Variants in CALN1 observed in about 807,000 individuals in gnomAD.
CALN1 encodes calneuron 1.
Under a neutral mutation model 30.6 loss-of-function variants are expected in CALN1, and 17 were observed. The ratio of observed to expected loss-of-function variants is 0.56; its 90% CI spans 0.38 to 0.83. CALN1 has a LOEUF of 0.83. Among genes scored for constraint, CALN1 ranks in the 40% least tolerant of loss-of-function variants. CALN1 has a pLI of 0.00. For synonymous variants in CALN1, 156 were observed against 131.4 expected, an observed-to-expected ratio of 1.19 and a Z score of -1.28; for missense variants, 291 against 354.9, an observed-to-expected ratio of 0.82 and a Z score of 1.45.
chr7:72,372,894 G>C (rs11984026), intron 2 of CALN1, among the ~76,000 whole-genome samples: 5,183 of 152,218 alleles, frequency 0.034, 278 homozygotes, highest in African/African-American at 0.11. Flanking sequence ...AAATATGTTT[G>C]GGTGAAGGTA....
chr7:72,271,686 T>G (rs1433821200), intron 3 of CALN1, among the ~76,000 whole-genome samples: 2 of 148,824 alleles, frequency 1.3e-5, no homozygotes, highest in Non-Finnish European at 3.0e-5. Flanking sequence ...GGTAACGACA[T>G]GGGTACCAAG....
At chr7:72,148,226 C>A in intron 3 of CALN1, among the ~76,000 whole-genome samples, 1 of 149,754 alleles carries the variant, frequency 6.7e-6, no homozygotes. Flanking sequence ...GATTGGTGCC[C>A]ATCCCACAGT....
chr7:72,110,233 C>T (rs561184338), intron 3 of CALN1, among the ~76,000 whole-genome samples: 3 of 152,236 alleles, frequency 2.0e-5, no homozygotes, highest in East Asian at 1.9e-4. Context: ...GACACCCCAG[C>T]GGGCCCTAGC....
intron 2 of CALN1, among the ~76,000 whole-genome samples, chr7:72,331,442 G>C (rs761707029): frequency 3.3e-5 from 5 of 152,136 alleles, no homozygotes; most frequent in Non-Finnish European, 7.4e-5. Context: ...CCTAGATACA[G>C]GGACCCAAAA....
chr7:72,254,395 T>C (rs1221050543), intron 3 of CALN1, among the ~76,000 whole-genome samples: 4 of 152,154 alleles, frequency 2.6e-5, no homozygotes, highest in Non-Finnish European at 5.9e-5. Context: ...TGGTAATTTG[T>C]TAAGGCCATG....
chr7:71,999,675 CCT>C (rs1205023991), intron 5 of CALN1, among the ~76,000 whole-genome samples: 4 of 152,040 alleles, frequency 2.6e-5, no homozygotes, highest in African/African-American at 7.2e-5. Flanking sequence ...ACCACCACAC[CCT>C]GCTAATTTTT....
At chr7:71,941,439 C>T (rs185513353) in intron 5 of CALN1, among the ~76,000 whole-genome samples, 1 of 151,880 alleles carries the variant, frequency 6.6e-6, no homozygotes, top group African/African-American at 2.4e-5. Context: ...ATATTTGAAG[C>T]CTCTAAAATT....
intron 2 of CALN1, among the ~76,000 whole-genome samples, chr7:72,292,258 T>C (rs547324206): frequency 7.6e-4 from 116 of 151,948 alleles, no homozygotes; most frequent in African/African-American, 2.5e-3. Context: ...GGTGCCAGCT[T>C]GATCAAATTC....
At position 72,249,423 on chromosome 7, in the gene CALN1, CAT is replaced by C. The variant is rs56920512; in HGVS notation, c.244+29261_244+29262del. On this transcript the variant is annotated intron_variant, in intron 3 of 6. Coordinates refer to ENST00000395275, the MANE Select transcript of CALN1 (RefSeq NM_031468.4). Reference sequence around the variant, plus strand: ...AAGTCAAGAAACTTGCCCAAGATCACATGTTTAATGGCTGGTGGAGGCAGGAC... The same window carrying C: ...AAGTCAAGAAACTTGCCCAAGATCACGTTTAATGGCTGGTGGAGGCAGGAC... Among the ~76,000 whole-genome samples the C allele has an allele frequency of 7.5e-3, 1,144 of 152,302 alleles. 9 individuals are homozygous for C. Among genetic ancestry groups the C allele is most frequent in the African/African-American group, 0.024 (997 of 41,570 alleles).
rs551422515 is a variant in CALN1 at position 71,785,070 on chromosome 7, G to A, written c.*2705C>T. 49 of 391,566 alleles carry A rather than the reference G, an allele frequency of 1.3e-4. No individual in the cohort carries two copies. The highest frequency in any genetic ancestry group is 1.5e-4 in the Non-Finnish European group (33 of 222,300). 24.3% of individuals were successfully genotyped at this position (391,566 alleles called of 1,614,324 possible). A position where few individuals can be genotyped will look rare whatever the true frequency, so the allele number is the denominator to read the frequency against. ...TAAGGAATGCCGCTAGCTCAGGGCC[G>A]TCTCCACGCACTGTGTCCTTCAGTC... is the stretch of plus-strand genomic sequence containing the variant. On this transcript the variant is annotated 3_prime_UTR_variant, in exon 7 of 7. Coordinates refer to ENST00000395275, the MANE Select transcript of CALN1 (RefSeq NM_031468.4).
At chr7:71,853,251 A>G (rs1482785879) in intron 5 of CALN1, among the ~76,000 whole-genome samples, 1 of 152,042 alleles carries the variant, frequency 6.6e-6, no homozygotes, top group Non-Finnish European at 1.5e-5. Flanking sequence ...CTAAAAAGTT[A>G]TTTTTAAAAT....
chr7:71,810,501 A>T lies in CALN1; in HGVS notation c.502-9T>A, dbSNP rs1350306639. ...ATCCTTTGCATGTCAAACTGTGGAG[A>T]TAAAGAGTAGTGAGATGGTCAGAAG... On this transcript the variant is annotated splice_polypyrimidine_tract_variant and intron_variant, in intron 5 of 6. Transcript: ENST00000395275. The T allele has an allele frequency of 1.2e-6, 2 of 1,612,968 alleles. No homozygotes were observed. Among genetic ancestry groups the T allele is most frequent in the Admixed American group, 3.3e-5 (2 of 59,976 alleles).
chr7:72,076,966 C>G (rs912630284), intron 4 of CALN1, among the ~76,000 whole-genome samples: 13 of 152,082 alleles, frequency 8.5e-5, no homozygotes, highest in African/African-American at 3.1e-4. Flanking sequence ...CTCTGTCACC[C>G]TGGCTGGAGT....
At chr7:72,043,786 G>A (rs948906356) in intron 4 of CALN1, among the ~76,000 whole-genome samples, 2 of 152,094 alleles carry the variant, frequency 1.3e-5, no homozygotes, top group African/African-American at 2.4e-5. Flanking sequence ...GTATTAGTTC[G>A]TTTTCATGCT....
At chr7:71,969,302 T>C (rs1003130356) in intron 5 of CALN1, among the ~76,000 whole-genome samples, 2 of 152,036 alleles carry the variant, frequency 1.3e-5, no homozygotes, top group Non-Finnish European at 2.9e-5. Flanking sequence ...CTGACATGCA[T>C]TCTCGGTATT....
intron 5 of CALN1, among the ~76,000 whole-genome samples, chr7:71,907,945 C>T (rs558463795): frequency 1.3e-5 from 2 of 152,328 alleles, no homozygotes; most frequent in East Asian, 1.9e-4. Flanking sequence ...TATGCATATG[C>T]GTGTGTGCGC....
At chr7:71,818,531 T>G (rs1788397440) in intron 5 of CALN1, among the ~76,000 whole-genome samples, 1 of 152,076 alleles carries the variant, frequency 6.6e-6, no homozygotes, top group Non-Finnish European at 1.5e-5. Flanking sequence ...TGTTTTTATT[T>G]TTTAATTCTT....
At chr7:72,405,401 G>A (rs538614591) in intron 1 of CALN1, among the ~76,000 whole-genome samples, 5 of 152,138 alleles carry the variant, frequency 3.3e-5, no homozygotes, top group Non-Finnish European at 7.4e-5. Flanking sequence ...GAGGTCTCAG[G>A]AAACTTAACA....
chr7:71,921,404 C>T (rs1285493665), intron 5 of CALN1, among the ~76,000 whole-genome samples: 6 of 152,122 alleles, frequency 3.9e-5, no homozygotes, highest in Non-Finnish European at 7.4e-5. Flanking sequence ...ATTTGTTCCT[C>T]TTTTAGCATT....
Sources: allele counts gnomAD v4.1 joint callset (sites outside exome capture counted in the v4.1 genomes callset), GRCh38; gene constraint gnomAD v4.1.1; transcripts MANE v1.5; gene names NCBI Gene and HGNC (gene_info 2026-07-23, HGNC 2026-07-21).